Variants in ZBTB20 observed in about 807,000 individuals in gnomAD.
The protein encoded by ZBTB20 is zinc finger and BTB domain-containing protein 20.
Under a neutral mutation model 56.9 loss-of-function variants are expected in ZBTB20, and 9 were observed. The ratio of observed to expected loss-of-function variants is 0.16; its 90% CI spans 0.10 to 0.28. ZBTB20 has a LOEUF of 0.28. Among genes scored for constraint, ZBTB20 ranks in the 10% least tolerant of loss-of-function variants. The pLI, the probability that ZBTB20 is intolerant of heterozygous loss-of-function variation, is 1.00. For synonymous variants in ZBTB20, 417 were observed against 420.7 expected, an observed-to-expected ratio of 0.99 and a Z score of 0.11; for missense variants, 655 against 1,003.0, an observed-to-expected ratio of 0.65 and a Z score of 4.69.
At chr3:114,485,694 C>T (rs1176218226) in intron 7 of ZBTB20, among the ~76,000 whole-genome samples, 1 of 152,112 alleles carries the variant, frequency 6.6e-6, no homozygotes, top group African/African-American at 2.4e-5. Context: ...GCAGAGCCCT[C>T]ATGAATGGAT....
intron 6 of ZBTB20, among the ~76,000 whole-genome samples, chr3:114,654,176 C>A (rs1365210032): frequency 6.6e-6 from 1 of 151,696 alleles, no homozygotes; most frequent in Non-Finnish European, 1.5e-5. Flanking sequence ...TTCCCACTTT[C>A]TTAAAGTGGA....
chr3:114,490,778 A>T (rs978850748), intron 7 of ZBTB20, among the ~76,000 whole-genome samples: 11 of 152,256 alleles, frequency 7.2e-5, no homozygotes, highest in Non-Finnish European at 1.3e-4. Flanking sequence ...TGTATGATGC[A>T]TACTAGAGGC....
chr3:114,990,373 G>A (rs1243997859), intron 2 of ZBTB20, among the ~76,000 whole-genome samples: 1 of 152,064 alleles, frequency 6.6e-6, no homozygotes, highest in Non-Finnish European at 1.5e-5. Flanking sequence ...TGTGGTTTTT[G>A]TCTTTGGTTC....
At chr3:115,126,451 A>C (rs1440593088) in intron 1 of ZBTB20, among the ~76,000 whole-genome samples, 1 of 152,172 alleles carries the variant, frequency 6.6e-6, no homozygotes, top group East Asian at 1.9e-4. Context: ...AAGGGAAACA[A>C]CTCAAATGTC....
In ZBTB20 at chr3:114,590,229, C is replaced by T. The variant is rs375776230; in HGVS notation, c.-294-89838G>A. On this transcript the variant is annotated intron_variant, in intron 6 of 11. Transcript: ENST00000675478. ...CAGCATTTTGGGAGGGCGAGGCGGG[C>T]GGATCACCTGAGGTCAGGAGTTTGA... Among the ~76,000 whole-genome samples the T allele has an allele frequency of 4.4e-3, 666 of 152,076 alleles. 6 individuals carry two copies. The highest frequency in any genetic ancestry group is 0.014 in the African/African-American group (597 of 41,520).
intron 1 of ZBTB20, among the ~76,000 whole-genome samples, chr3:115,117,003 C>G (rs907084311): frequency 1.3e-5 from 2 of 152,078 alleles, no homozygotes; most frequent in Non-Finnish European, 1.5e-5. Context: ...TACAGCAAAT[C>G]CAGCATTGAC....
intron 2 of ZBTB20, among the ~76,000 whole-genome samples, chr3:115,034,516 T>C (rs1274674957): frequency 6.6e-6 from 1 of 151,832 alleles, no homozygotes; most frequent in East Asian, 1.9e-4. Context: ...ATAATACTAT[T>C]TAGAAATTAA....
intron 11 of ZBTB20, among the ~76,000 whole-genome samples, chr3:114,345,673 T>C (rs574600293): frequency 2.0e-5 from 3 of 152,266 alleles, no homozygotes; most frequent in East Asian, 3.9e-4. Flanking sequence ...CTAGGCTCCA[T>C]TGCCTGAGTT....
rs546552518 is a variant in ZBTB20, at chr3:115,072,698, A to T, written c.-702-1284T>A. ...TTCACTCATTCATAGCAATCTAAAAAGAACACTGGCTCTCCCTCTCTGGCC... is the reference window on the plus strand; with the variant it reads ...TTCACTCATTCATAGCAATCTAAAATGAACACTGGCTCTCCCTCTCTGGCC... On this transcript the variant is annotated intron_variant, in intron 1 of 11. Transcript: ENST00000675478. 4.1e-4 allele frequency among the ~76,000 whole-genome samples: 63 copies of T among 152,306 alleles called. No homozygotes were observed. In the East Asian group the frequency reaches 0.012, roughly 28 times the overall value.
chr3:114,714,500 A>G (rs1266980879), intron 5 of ZBTB20, among the ~76,000 whole-genome samples: 2 of 151,534 alleles, frequency 1.3e-5, no homozygotes, highest in Admixed American at 1.3e-4. Context: ...TTCCTGCTCT[A>G]TTCGCTTCCT....
At chr3:114,419,689 A>G (rs751797119) in intron 7 of ZBTB20, among the ~76,000 whole-genome samples, 2 of 152,104 alleles carry the variant, frequency 1.3e-5, no homozygotes, top group African/African-American at 2.4e-5. Context: ...TTAGCATATA[A>G]AATAATTCTC....
At chr3:115,049,669 A>G (rs1384769848) in intron 2 of ZBTB20, among the ~76,000 whole-genome samples, 1 of 152,134 alleles carries the variant, frequency 6.6e-6, no homozygotes, top group Non-Finnish European at 1.5e-5. Context: ...AGATTTTCAG[A>G]TTATGGATGT....
chr3:114,555,487 C>T lies in ZBTB20; in HGVS notation c.-294-55096G>A, dbSNP rs138812469. Among the ~76,000 whole-genome samples, 89 of 152,106 alleles carry T rather than the reference C, an allele frequency of 5.9e-4. No homozygotes were observed. The South Asian group carries it at 9.8e-3, about 17-fold the overall frequency. On this transcript the variant is annotated intron_variant, in intron 6 of 11. Coordinates refer to ENST00000675478, the MANE Select transcript of ZBTB20 (RefSeq NM_001348800.3). ...ATGCACAATATTTCCCCCATAGAAA[C>T]GATGATTGGTACACCTGAATCTCAC...
chr3:114,980,284 T>A (rs1302394171), intron 2 of ZBTB20, among the ~76,000 whole-genome samples: 7 of 151,998 alleles, frequency 4.6e-5, no homozygotes, highest in Admixed American at 1.3e-4. Flanking sequence ...CAATCTAACC[T>A]GCTTAATTAT....
intron 10 of ZBTB20, among the ~76,000 whole-genome samples, chr3:114,367,681 T>C (rs1242926075): frequency 4.6e-5 from 7 of 152,208 alleles, no homozygotes. Context: ...GAAGACAACA[T>C]TCAGAGAGAT....
intron 5 of ZBTB20, among the ~76,000 whole-genome samples, chr3:114,749,415 T>G (rs765579593): frequency 6.6e-6 from 1 of 151,990 alleles, no homozygotes; most frequent in Non-Finnish European, 1.5e-5. Flanking sequence ...TAGCTGGGTG[T>G]GGCGGTGGAT....
intron 2 of ZBTB20, among the ~76,000 whole-genome samples, chr3:115,020,184 C>A (rs1489213919): frequency 2.6e-5 from 4 of 151,040 alleles, no homozygotes; most frequent in Non-Finnish European, 1.5e-5. Context: ...ACCAGAAGTA[C>A]CCAGGCTCTT....
intron 6 of ZBTB20, among the ~76,000 whole-genome samples, chr3:114,531,365 A>G (rs1006129198): frequency 1.3e-5 from 2 of 152,264 alleles, no homozygotes; most frequent in Non-Finnish European, 2.9e-5. Context: ...AGGACTAGAT[A>G]AGTGAAGACA....
chr3:115,113,643 C>T (rs1224524214), intron 1 of ZBTB20, among the ~76,000 whole-genome samples: 1 of 152,210 alleles, frequency 6.6e-6, no homozygotes, highest in African/African-American at 2.4e-5. Context: ...CTGTTACAAG[C>T]ACAACAGAAT....
Sources: gnomAD v4.1 joint callset for allele counts (sites outside exome capture counted in the v4.1 genomes callset) on GRCh38, gnomAD v4.1.1 for gene constraint, MANE v1.5 for transcripts, NCBI Gene and HGNC (gene_info 2026-07-23, HGNC 2026-07-21) for gene names.